ACO1: variants seen among roughly 807,000 people sequenced by gnomAD.
ACO1 encodes the protein cytoplasmic aconitate hydratase.
Under a neutral mutation model 105.1 loss-of-function variants are expected in ACO1, and 78 were observed. That is an observed-to-expected ratio of 0.74 (90% CI 0.62 to 0.90). ACO1 has a LOEUF of 0.90. Ranked by LOEUF, ACO1 falls within the 40% of genes least tolerant of loss-of-function variation. The pLI, the probability that ACO1 is intolerant of heterozygous loss-of-function variation, is 0.00. For synonymous variants in ACO1, 364 were observed against 397.4 expected, an observed-to-expected ratio of 0.92 and a Z score of 1.00; for missense variants, 965 against 1,111.1, an observed-to-expected ratio of 0.87 and a Z score of 1.87.
chr9:32,412,792 A>T (rs1563934520), intron 4 of ACO1, among the ~76,000 whole-genome samples: 2 of 152,188 alleles, frequency 1.3e-5, no homozygotes, highest in South Asian at 4.1e-4. Flanking sequence ...TAGGATAAAG[A>T]CCCACTTCAG....
chr9:32,410,934 A>G (rs771257089), intron 4 of ACO1, among the ~76,000 whole-genome samples: 4 of 152,198 alleles, frequency 2.6e-5, no homozygotes. Context: ...ATACATCTGC[A>G]GGGCAGCCGG....
intron 1 of ACO1, among the ~76,000 whole-genome samples, chr9:32,391,846 G>C (rs751733079): frequency 6.6e-6 from 1 of 152,150 alleles, no homozygotes; most frequent in Admixed American, 6.5e-5. Flanking sequence ...AAGAATCTGC[G>C]ATGTACAAGA....
Position 32,434,710 on chromosome 9 carries a change from G to A in ACO1, c.2099+9G>A, listed in dbSNP as rs1421050807. The A allele has an allele frequency of 3.1e-6, 5 of 1,613,714 alleles. No homozygotes were observed. Among genetic ancestry groups the A allele is most frequent in the Non-Finnish European group, 4.2e-6 (5 of 1,179,788 alleles). On this transcript the variant is annotated intron_variant, in intron 17 of 20. Transcript: ENST00000309951. ...TACTTAACTAACAGAGGGTAAGTAT[G>A]AATGAGGCAGGAAGGACTAAAGGCA...
chr9:32,411,637 G>T (rs1284902459), intron 4 of ACO1, among the ~76,000 whole-genome samples: 1 of 152,002 alleles, frequency 6.6e-6, no homozygotes, highest in East Asian at 1.9e-4. Flanking sequence ...GTATATAAAG[G>T]TTTTTCAATC....
intron 4 of ACO1, among the ~76,000 whole-genome samples, chr9:32,416,767 C>A (rs949256986): frequency 2.6e-5 from 4 of 152,164 alleles, no homozygotes; most frequent in Non-Finnish European, 4.4e-5. Flanking sequence ...AAGGTAGAAA[C>A]CCCCAGGGCC....
intron 12 of ACO1, 22 bp from the exon 13 acceptor site, chr9:32,429,397 G>A (rs369520658): frequency 1.1e-5 from 17 of 1,610,324 alleles, no homozygotes; most frequent in South Asian, 2.2e-5. Context: ...TTGTGTGTGT[G>A]TGCTTCTCTC....
intron 1 of ACO1, among the ~76,000 whole-genome samples, chr9:32,395,484 A>T (rs1325724231): frequency 1.3e-5 from 2 of 152,082 alleles, no homozygotes; most frequent in African/African-American, 4.8e-5. Context: ...TCAAAAAACA[A>T]ACCAAAAAAC....
intron 19 of ACO1, among the ~76,000 whole-genome samples, chr9:32,443,846 TA>T (rs1362110170): frequency 1.3e-5 from 2 of 152,206 alleles, no homozygotes; most frequent in Non-Finnish European, 2.9e-5. Context: ...GTTGTGTTTT[TA>T]TTATACTTTA....
chr9:32,411,860 C>T (rs1325604610), intron 4 of ACO1, among the ~76,000 whole-genome samples: 2 of 151,934 alleles, frequency 1.3e-5, no homozygotes, highest in South Asian at 2.1e-4. Context: ...CCAAGCATAC[C>T]CTTTATATCA....
chr9:32,385,195 G>T (rs1363779880), intron 1 of ACO1, among the ~76,000 whole-genome samples: 1 of 152,238 alleles, frequency 6.6e-6, no homozygotes. Context: ...TGAGGGGGAA[G>T]AGACCCTTCG....
chr9:32,435,273 G>C (rs1050569097), intron 17 of ACO1, among the ~76,000 whole-genome samples: 1 of 152,182 alleles, frequency 6.6e-6, no homozygotes, highest in Non-Finnish European at 1.5e-5. Flanking sequence ...CCCATCTGCT[G>C]AATCAGTTCT....
chr9:32,441,050 A>G (rs1215564353), intron 19 of ACO1, among the ~76,000 whole-genome samples: 1 of 152,220 alleles, frequency 6.6e-6, no homozygotes, highest in Non-Finnish European at 1.5e-5. Context: ...GGACTTTTTC[A>G]GGAGTTACTT....
intron 19 of ACO1, among the ~76,000 whole-genome samples, chr9:32,441,847 C>T (rs938050835): frequency 5.9e-5 from 9 of 152,200 alleles, no homozygotes; most frequent in South Asian, 2.1e-4. Context: ...GGCTGGGCCA[C>T]GTAGCCGTGC....
intron 12 of ACO1, 91 bp from the exon 13 acceptor site, chr9:32,429,328 G>T: frequency 2.5e-6 from 3 of 1,200,676 alleles, no homozygotes; most frequent in South Asian, 1.3e-5. Flanking sequence ...ATTCCTTTTT[G>T]AACAGTGGTC....
intron 8 of ACO1, among the ~76,000 whole-genome samples, chr9:32,421,470 C>T (rs1195879389): frequency 6.6e-6 from 1 of 152,168 alleles, no homozygotes; most frequent in African/African-American, 2.4e-5. Flanking sequence ...GGCTAATAAA[C>T]AGCAGAGTCA....
chr9:32,395,059 T>C (rs1278132120), intron 1 of ACO1, among the ~76,000 whole-genome samples: 1 of 152,250 alleles, frequency 6.6e-6, no homozygotes, highest in African/African-American at 2.4e-5. Flanking sequence ...ATCTGCGAAA[T>C]GAGTTCAGGA....
intron 2 of ACO1, 68 bp from the exon 3 acceptor site, chr9:32,407,193 A>G (rs1318355042): frequency 7.0e-7 from 1 of 1,437,470 alleles, no homozygotes; most frequent in Non-Finnish European, 9.7e-7. Flanking sequence ...TTATATAGAG[A>G]TTGGCCTTAA....
rs1225231509 is a variant in ACO1, at chr9:32,453,964, G to T, written c.*3853G>T. On this transcript the variant is annotated 3_prime_UTR_variant, in exon 21 of 21. Coordinates refer to ENST00000309951, the MANE Select transcript of ACO1 (RefSeq NM_002197.3). ...CTTATTCAGTACAGATTTGTTGAAT[G>T]AAATTCGTAGTTTTATTTTACGGCA... The T allele has an allele frequency of 1.3e-5, 2 of 152,228 alleles. No homozygotes were observed. Among genetic ancestry groups the T allele is most frequent in the Admixed American group, 6.5e-5 (1 of 15,282 alleles). 9.4% of individuals were successfully genotyped at this position (152,228 alleles called of 1,614,324 possible).
chr9:32,445,317 G>C (rs1402503024), intron 19 of ACO1, among the ~76,000 whole-genome samples: 1 of 152,092 alleles, frequency 6.6e-6, no homozygotes, highest in Non-Finnish European at 1.5e-5. Flanking sequence ...TCAGGGATTT[G>C]ATTTCTTCCT....
Sources: allele counts gnomAD v4.1 joint callset (sites outside exome capture counted in the v4.1 genomes callset), GRCh38; gene constraint gnomAD v4.1.1; transcripts MANE v1.5; gene names NCBI Gene and HGNC (gene_info 2026-07-23, HGNC 2026-07-21).